ZNF804A: variants seen among roughly 807,000 people sequenced by gnomAD.
ZNF804A encodes the protein zinc finger protein 804A.
ZNF804A carries 2 observed loss-of-function variants against 16.5 expected under a neutral mutation model. The observed-to-expected ratio is 0.12, with a 90% CI of 0.05 to 0.38. The LOEUF is 0.38. Ranked by LOEUF, ZNF804A falls within the 10% of genes least tolerant of loss-of-function variation. The pLI, the probability that ZNF804A is intolerant of heterozygous loss-of-function variation, is 0.99. For synonymous variants in ZNF804A, 534 were observed against 489.6 expected, an observed-to-expected ratio of 1.09 and a Z score of -1.20; for missense variants, 1,473 against 1,390.7, an observed-to-expected ratio of 1.06 and a Z score of -0.94.
intron 1 of ZNF804A, among the ~76,000 whole-genome samples, chr2:184,724,313 C>A (rs899983065): frequency 2.2e-4 from 33 of 151,638 alleles, no homozygotes; most frequent in African/African-American, 7.2e-4. Context: ...ATTTAATGCT[C>A]TATGTACATT....
intron 2 of ZNF804A, among the ~76,000 whole-genome samples, chr2:184,912,265 G>A (rs757978359): frequency 1.3e-5 from 2 of 151,932 alleles, no homozygotes; most frequent in Non-Finnish European, 2.9e-5. Flanking sequence ...TTTTGTGTCT[G>A]GCTTATTTCC....
intron 1 of ZNF804A, among the ~76,000 whole-genome samples, chr2:184,688,885 G>A (rs1038712712): frequency 6.6e-6 from 1 of 152,136 alleles, no homozygotes; most frequent in South Asian, 2.1e-4. Flanking sequence ...ATAGACTGCA[G>A]TGTATATCTC....
chr2:184,833,562 A>G (rs1291282139), intron 1 of ZNF804A, among the ~76,000 whole-genome samples: 2 of 152,132 alleles, frequency 1.3e-5, no homozygotes, highest in African/African-American at 2.4e-5. Context: ...CATGCTTAAC[A>G]TGCAGCTCAA....
rs563808907 is a variant in ZNF804A, at chr2:184,757,713, G to A, written c.112-108656G>A. ...CTAGTTCTGAAATTATGTTTAATTT[G>A]TATTTTTTAAAATGTTATCTGGAGG... is the stretch of plus-strand genomic sequence containing the variant. On this transcript the variant is annotated intron_variant, in intron 1 of 3. Transcript: ENST00000302277. Among the ~76,000 whole-genome samples the A allele has an allele frequency of 9.9e-5, 15 of 152,056 alleles. No homozygotes were observed. In the East Asian group the frequency reaches 2.9e-3, roughly 30 times the overall value.
At chr2:184,864,801 C>T (rs1181310722) in intron 1 of ZNF804A, among the ~76,000 whole-genome samples, 1 of 149,366 alleles carries the variant, frequency 6.7e-6, no homozygotes, top group African/African-American at 2.5e-5. Context: ...TAGAGGACTA[C>T]ATTTTATTTA....
At position 184,938,578 on chromosome 2, in the gene ZNF804A, T is replaced by C. The variant is rs1258160204; in HGVS notation, c.3182T>C (p.Leu1061Pro). Residue 1061 changes from leucine (L) to proline (P), a missense_variant, in exon 4 of 4, where the codon CTG becomes CCG. By Grantham distance (98) the Leu-to-Pro change is moderately conservative (BLOSUM62 -3). Coordinates refer to ENST00000302277, the MANE Select transcript of ZNF804A (RefSeq NM_194250.2). ...VYQHILQPNM[L>P]ANKVKFTFPP... ...CAGCACATTCTGCAGCCAAACATGC[T>C]GGCCAACAAGGTTAAATTTACCTTT... 17 of 1,614,132 alleles carry C rather than the reference T, an allele frequency of 1.1e-5. No homozygotes were observed. In the East Asian group the frequency reaches 3.8e-4, roughly 36 times the overall value.
chr2:184,619,033 T>C (rs1255888828), intron 1 of ZNF804A, among the ~76,000 whole-genome samples: 1 of 152,038 alleles, frequency 6.6e-6, no homozygotes, highest in Non-Finnish European at 1.5e-5. Flanking sequence ...TTCTACTAAT[T>C]GCTGGCTTTG....
intron 1 of ZNF804A, among the ~76,000 whole-genome samples, chr2:184,849,299 G>A (rs1199399294): frequency 1.3e-5 from 2 of 152,002 alleles, no homozygotes; most frequent in Non-Finnish European, 2.9e-5. Context: ...GACAGGAAGT[G>A]AAAGATGCTT....
chr2:184,851,891 G>T (rs1411538344), intron 1 of ZNF804A, among the ~76,000 whole-genome samples: 3 of 151,670 alleles, frequency 2.0e-5, no homozygotes, highest in Non-Finnish European at 4.4e-5. Flanking sequence ...CAGGTTTGAG[G>T]TGGTATCTCA....
Position 184,677,699 on chromosome 2 carries a change from A to G in ZNF804A, c.111+78629A>G, listed in dbSNP as rs544394284. 9.2e-5 allele frequency among the ~76,000 whole-genome samples: 14 copies of G among 152,156 alleles called. No individual in the cohort carries two copies. In the South Asian group the frequency reaches 2.9e-3, roughly 31 times the overall value. ...AAGAACAAAATCACTGCTGTAAGTAATATCAAAGTTATATTACTAACTCAA... is the reference window on the plus strand; with the variant it reads ...AAGAACAAAATCACTGCTGTAAGTAGTATCAAAGTTATATTACTAACTCAA... On this transcript the variant is annotated intron_variant, in intron 1 of 3. Coordinates refer to ENST00000302277, the MANE Select transcript of ZNF804A (RefSeq NM_194250.2).
intron 1 of ZNF804A, among the ~76,000 whole-genome samples, chr2:184,784,637 C>A (rs1379438295): frequency 6.6e-6 from 1 of 151,898 alleles, no homozygotes; most frequent in Non-Finnish European, 1.5e-5. Context: ...TAGAGTAGGA[C>A]AAATTTTCCC....
intron 1 of ZNF804A, among the ~76,000 whole-genome samples, chr2:184,604,115 A>G (rs577007064): frequency 1.4e-4 from 19 of 138,306 alleles, no homozygotes; most frequent in African/African-American, 5.1e-4. Flanking sequence ...CTTCTGCACC[A>G]ATAGTTTCAG....
chr2:184,724,896 A>C (rs1189848703), intron 1 of ZNF804A, among the ~76,000 whole-genome samples: 1 of 151,802 alleles, frequency 6.6e-6, no homozygotes, highest in African/African-American at 2.4e-5. Flanking sequence ...GAGATGAAAT[A>C]ATGTGGTAAT....
At chr2:184,921,168 T>C (rs922549356) in intron 2 of ZNF804A, among the ~76,000 whole-genome samples, 3 of 152,180 alleles carry the variant, frequency 2.0e-5, no homozygotes, top group Non-Finnish European at 4.4e-5. Context: ...ATTATTCACC[T>C]CTCAAAATTA....
chr2:184,936,809 T>A lies in ZNF804A; in HGVS notation c.1413T>A (p.Asn471Lys). The change falls in exon 4 of 4, where the codon AAT becomes AAA. Residue 471 changes from asparagine (N) to lysine (K), a missense_variant. By Grantham distance (94) the Asn-to-Lys change is moderately conservative. Transcript: ENST00000302277. ...ACTTCAAGTCTACTAAAGTAAATAA[T>A]AATCTAGATAAAAATAAGCCAGACT... ...CFDFKSTKVN[N>K]NLDKNKPDLK... 1 of 1,613,104 alleles carries A rather than the reference T, an allele frequency of 6.2e-7. No homozygotes were observed. The highest frequency in any genetic ancestry group is 8.5e-7 in the Non-Finnish European group (1 of 1,179,634).
rs72905734 is a variant in ZNF804A at position 184,836,979 on chromosome 2, G to A, written c.112-29390G>A. On this transcript the variant is annotated intron_variant, in intron 1 of 3. Transcript: ENST00000302277. Reference sequence around the variant, plus strand: ...TTCAAGCCTTTGTGACTATGTACATGGTGTGTCTTCTTGCTGGAAATCTGT... The same window carrying A: ...TTCAAGCCTTTGTGACTATGTACATAGTGTGTCTTCTTGCTGGAAATCTGT... Among the ~76,000 whole-genome samples, 1,473 of 151,168 alleles carry A rather than the reference G, an allele frequency of 9.7e-3. 16 individuals are homozygous for A. Among genetic ancestry groups the A allele is most frequent in the Non-Finnish European group, 0.016 (1,117 of 67,774 alleles).
At chr2:184,607,282 C>T (rs1227085668) in intron 1 of ZNF804A, among the ~76,000 whole-genome samples, 2 of 152,122 alleles carry the variant, frequency 1.3e-5, no homozygotes, top group African/African-American at 4.8e-5. Context: ...TTAGTCTATT[C>T]TCATGCTGCT....
rs1215917305 is a variant in ZNF804A, at chr2:184,903,367, AAAT to A, written c.256-30234_256-30232del. ...ACCGTTTCTATGTTTAAGTATGTTTAAATACACGTATACTTACCATTGTGTTAC... is the reference window on the plus strand; with the variant it reads ...ACCGTTTCTATGTTTAAGTATGTTTAACACGTATACTTACCATTGTGTTAC... On this transcript the variant is annotated intron_variant, in intron 2 of 3. Transcript: ENST00000302277. Among the ~76,000 whole-genome samples the A allele has an allele frequency of 7.2e-5, 11 of 152,284 alleles. No individual in the cohort carries two copies. In the East Asian group the frequency reaches 2.1e-3, roughly 29 times the overall value.
At position 184,664,350 on chromosome 2, in the gene ZNF804A, C is replaced by G. The variant is rs182125482; in HGVS notation, c.111+65280C>G. On this transcript the variant is annotated intron_variant, in intron 1 of 3. Coordinates refer to ENST00000302277, the MANE Select transcript of ZNF804A (RefSeq NM_194250.2). ...TATGTTGAAGAGTATAAATTATAAA[C>G]TACACAATATTAAACAAGTGGCTTA... Among the ~76,000 whole-genome samples the G allele has an allele frequency of 4.7e-4, 71 of 152,150 alleles. 1 individual carries two copies. The East Asian group carries it at 8.9e-3, about 19-fold the overall frequency.
Sources: allele counts gnomAD v4.1 joint callset (sites outside exome capture counted in the v4.1 genomes callset), GRCh38; gene constraint gnomAD v4.1.1; transcripts MANE v1.5; gene names NCBI Gene and HGNC (gene_info 2026-07-23, HGNC 2026-07-21).